PLPPR5: variants seen among roughly 807,000 people sequenced by gnomAD.
PLPPR5 encodes phospholipid phosphatase-related protein type 5.
Under a neutral mutation model 33.9 loss-of-function variants are expected in PLPPR5, and 16 were observed. The observed-to-expected ratio is 0.47, with a 90% CI of 0.32 to 0.72. The LOEUF (loss-of-function observed/expected upper bound fraction) is 0.72. Ranked by LOEUF, PLPPR5 falls within the 30% of genes least tolerant of loss-of-function variation. The probability of loss-of-function intolerance (pLI) is 0.03; values close to 1 mark genes in which losing one functional copy is unlikely to be tolerated. For synonymous variants in PLPPR5, 163 were observed against 150.3 expected (o/e 1.08, Z -0.62); for missense variants, 301 against 406.7 (o/e 0.74, Z 2.23).
At chr1:98,945,175 A>G (rs756800540) in intron 3 of PLPPR5, among the ~76,000 whole-genome samples, 36 of 152,218 alleles carry the variant, frequency 2.4e-4, no homozygotes, top group Non-Finnish European at 4.1e-4. Flanking sequence ...AAGCTCTTTA[A>G]CACCTTAGAT....
chr1:98,979,088 T>C (rs892998746), intron 1 of PLPPR5, among the ~76,000 whole-genome samples: 1 of 152,064 alleles, frequency 6.6e-6, no homozygotes, highest in East Asian at 1.9e-4. Context: ...AAACAGTGAC[T>C]GAGTACCTCC....
intron 1 of PLPPR5, among the ~76,000 whole-genome samples, chr1:98,981,745 C>A (rs115705918): frequency 6.6e-6 from 1 of 152,004 alleles, no homozygotes; most frequent in Non-Finnish European, 1.5e-5. Context: ...TGCTTTAACA[C>A]GATTGCTAAT....
chr1:99,001,671 G>GATAGATAGAT (rs1247519605), intron 1 of PLPPR5, among the ~76,000 whole-genome samples: 2 of 102,192 alleles, frequency 2.0e-5, no homozygotes, highest in East Asian at 3.7e-4. Context: ...GAAAGTTAAA[G>GATAGATAGAT]ATATATATAT....
intron 1 of PLPPR5, among the ~76,000 whole-genome samples, chr1:98,957,144 C>T (rs375283412): frequency 7.1e-6 from 1 of 140,368 alleles, no homozygotes; most frequent in African/African-American, 2.7e-5. Context: ...AATGAGAACA[C>T]ATGGACACAG....
intron 1 of PLPPR5, among the ~76,000 whole-genome samples, chr1:98,993,377 C>T (rs1056956116): frequency 6.6e-6 from 1 of 151,744 alleles, no homozygotes; most frequent in Non-Finnish European, 1.5e-5. Flanking sequence ...TATCTGTATT[C>T]TAGATTTAGC....
chr1:98,897,995 T>C (rs975571375), intron 5 of PLPPR5, among the ~76,000 whole-genome samples: 21 of 152,052 alleles, frequency 1.4e-4, no homozygotes, highest in African/African-American at 5.1e-4. Context: ...TTTAAGTAAT[T>C]GGTTAGAATT....
intron 1 of PLPPR5, among the ~76,000 whole-genome samples, chr1:98,963,491 C>T (rs939630137): frequency 1.3e-5 from 2 of 152,134 alleles, no homozygotes; most frequent in African/African-American, 4.8e-5. Context: ...TCAATCTTCC[C>T]ATCTCCATAG....
intron 5 of PLPPR5, among the ~76,000 whole-genome samples, chr1:98,911,974 GC>G (rs1481367994): frequency 6.6e-6 from 1 of 152,204 alleles, no homozygotes; most frequent in East Asian, 1.9e-4. Flanking sequence ...TATTGTTACA[GC>G]CCAGGGTGGT....
chr1:99,003,506 T>A (rs1253835483), intron 1 of PLPPR5, among the ~76,000 whole-genome samples: 5 of 152,108 alleles, frequency 3.3e-5, no homozygotes, highest in Non-Finnish European at 5.9e-5. Context: ...CCATAAAATA[T>A]CAGGTTTTCT....
chr1:98,898,686 A>G (rs892583607), intron 5 of PLPPR5, among the ~76,000 whole-genome samples: 1 of 152,124 alleles, frequency 6.6e-6, no homozygotes, highest in African/African-American at 2.4e-5. Flanking sequence ...TTGTTTTAAG[A>G]AGTTGGAGAC....
At chr1:98,977,835 C>T (rs528210021) in intron 1 of PLPPR5, among the ~76,000 whole-genome samples, 2 of 151,922 alleles carry the variant, frequency 1.3e-5, no homozygotes, top group South Asian at 4.2e-4. Context: ...AATACATATA[C>T]TATAGTAAAT....
intron 3 of PLPPR5, among the ~76,000 whole-genome samples, chr1:98,928,610 G>A (rs1240587596): frequency 8.7e-6 from 1 of 114,974 alleles, no homozygotes; most frequent in Admixed American, 1.1e-4. Context: ...TGCTGACCTA[G>A]ACAAGAGCAT....
At chr1:98,954,092 G>A (rs1650912577) in intron 2 of PLPPR5, among the ~76,000 whole-genome samples, 2 of 152,278 alleles carry the variant, frequency 1.3e-5, no homozygotes, top group Admixed American at 6.5e-5. Flanking sequence ...AGAACTAAGT[G>A]TGTAGATATT....
chr1:98,986,739 A>G (rs532752936), intron 1 of PLPPR5, among the ~76,000 whole-genome samples: 1 of 152,014 alleles, frequency 6.6e-6, no homozygotes, highest in South Asian at 2.1e-4. Context: ...ATGTTTTTCT[A>G]AATAGGGAAC....
intron 1 of PLPPR5, among the ~76,000 whole-genome samples, chr1:98,995,710 A>G (rs1474075971): frequency 2.6e-5 from 4 of 152,136 alleles, no homozygotes; most frequent in Admixed American, 2.0e-4. Flanking sequence ...TTCATGAACT[A>G]AAAACTTCTC....
At chr1:99,005,446 T>G (rs1428543930), upstream of PLPPR5, among the ~76,000 whole-genome samples, 1 of 152,118 alleles carries the variant, frequency 6.6e-6, no homozygotes, top group African/African-American at 2.4e-5. Context: ...TTTCTTTGCC[T>G]CCTCTGCAGC....
At chr1:98,906,067 T>C (rs1012760133) in intron 5 of PLPPR5, among the ~76,000 whole-genome samples, 2 of 151,936 alleles carry the variant, frequency 1.3e-5, no homozygotes, top group Non-Finnish European at 2.9e-5. Flanking sequence ...GTTGTGTTAG[T>C]TTTCACTAGG....
intron 5 of PLPPR5, among the ~76,000 whole-genome samples, chr1:98,910,040 T>C (rs968954134): frequency 6.6e-6 from 1 of 152,252 alleles, no homozygotes; most frequent in Non-Finnish European, 1.5e-5. Flanking sequence ...AATACTTGTA[T>C]GCTATACTAT....
chr1:98,940,668 A>G lies in PLPPR5; in HGVS notation c.621+12402T>C, dbSNP rs189771863. ...AAGTGCAGAATGGACAAGGATGAGA[A>G]AAGAATTATGTTAGGAAGCTTATTG... On this transcript the variant is annotated intron_variant, in intron 3 of 5. Transcript: ENST00000263177. Among the ~76,000 whole-genome samples the G allele has an allele frequency of 5.3e-5, 8 of 152,006 alleles. No homozygotes were observed. In the East Asian group the frequency reaches 1.5e-3, roughly 29 times the overall value.
Sources: gnomAD v4.1 joint callset for allele counts (sites outside exome capture counted in the v4.1 genomes callset) on GRCh38, gnomAD v4.1.1 for gene constraint, MANE v1.5 for transcripts, NCBI Gene and HGNC (gene_info 2026-07-23, HGNC 2026-07-21) for gene names.